The following UBR3 variants were observed in gnomAD, a reference collection of about 807,000 sequenced individuals.
UBR3 encodes the protein ubiquitin protein ligase E3 component n-recognin 3.
In UBR3, 85 loss-of-function variants were observed where a neutral mutation model predicts 243.2. That is an observed-to-expected ratio of 0.35 (90% CI 0.29 to 0.42). The LOEUF (loss-of-function observed/expected upper bound fraction) is 0.42, where lower values mean the gene tolerates loss of function less well. UBR3 is among the 10% of genes least tolerant of loss of function. The pLI, the probability that UBR3 is intolerant of heterozygous loss-of-function variation, is 1.00. For missense variants in UBR3, 1,686 were observed against 2,300.8 expected, an observed-to-expected ratio of 0.73 and a Z score of 5.47; for synonymous variants, 748 against 799.8, an observed-to-expected ratio of 0.94 and a Z score of 1.09.
At chr2:169,927,257 A>C (rs2085944339) in intron 16 of UBR3, 63 bp from the exon 17 acceptor site, 10 of 1,400,160 alleles carry the variant, frequency 7.1e-6, no homozygotes, top group Admixed American at 2.3e-5. Flanking sequence ...AAAGTGTGGT[A>C]AGTTTTTTTC....
intron 33 of UBR3, 113 bp from the exon 34 acceptor site, chr2:170,060,966 A>G (rs1189990158): frequency 1.1e-5 from 8 of 712,596 alleles, no homozygotes; most frequent in Non-Finnish European, 1.7e-5. Context: ...TGAAGCTCAT[A>G]TGCTTGAAAA....
At chr2:170,023,615 C>T (rs752136941) in intron 30 of UBR3, among the ~76,000 whole-genome samples, 27 of 151,616 alleles carry the variant, frequency 1.8e-4, no homozygotes, top group African/African-American at 4.4e-4. Flanking sequence ...TTTTTTGAGA[C>T]GGAGTCTTGC....
chr2:169,900,447 G>C (rs1383362966), intron 8 of UBR3, among the ~76,000 whole-genome samples: 1 of 152,178 alleles, frequency 6.6e-6, no homozygotes, highest in African/African-American at 2.4e-5. Flanking sequence ...TAGGTTGCCT[G>C]TTCACTCTGG....
In UBR3 at chr2:169,891,206, G is replaced by A; in HGVS notation, c.1080G>A (p.Arg360=). 1.3e-6 allele frequency: 2 copies of A among 1,549,758 alleles called. No homozygotes were observed. The highest frequency in any genetic ancestry group is 1.7e-4 in the Middle Eastern group (1 of 5,974). The change falls in exon 6 of 39, where the codon AGG becomes AGA. Residue 360 remains arginine (R), a synonymous_variant. Coordinates refer to ENST00000272793, the MANE Select transcript of UBR3 (RefSeq NM_172070.4). ...DGSQGLGKRK[R]VKLSSGTKDQ... ...GTCAAGGTCTGGGCAAGAGAAAAAG[G>A]GTAAAACTAAGCAGTGGCACCAAAG...
chr2:170,063,630 G>A (rs1429526074), intron 35 of UBR3, among the ~76,000 whole-genome samples: 1 of 152,110 alleles, frequency 6.6e-6, no homozygotes, highest in Admixed American at 6.5e-5. Context: ...GAAATCTCAT[G>A]CTGTCTTGTT....
chr2:169,953,222 G>A (rs1574275021), intron 23 of UBR3, among the ~76,000 whole-genome samples: 1 of 152,228 alleles, frequency 6.6e-6, no homozygotes, highest in East Asian at 1.9e-4. Context: ...TATTGACAAG[G>A]ACTTGAAACT....
chr2:169,932,011 C>G (rs2086151351), intron 18 of UBR3, among the ~76,000 whole-genome samples: 1 of 151,644 alleles, frequency 6.6e-6, no homozygotes, highest in African/African-American at 2.4e-5. Context: ...AGCAAAGGAG[C>G]AGAAAATCTT....
Position 170,081,890 on chromosome 2 carries a change from T to C in UBR3, c.*47T>C. ...CGTATCATCATTTTCGCTACGAATTTATTTTTCAACAATAAGCTTTAACTT... is the reference window on the plus strand; with the variant it reads ...CGTATCATCATTTTCGCTACGAATTCATTTTTCAACAATAAGCTTTAACTT... On this transcript the variant is annotated 3_prime_UTR_variant, in exon 39 of 39. Transcript: ENST00000272793. 7.6e-7 allele frequency: 1 copy of C among 1,313,996 alleles called. No homozygotes were observed. Among genetic ancestry groups the C allele is most frequent in the South Asian group, 1.6e-5 (1 of 61,890 alleles). 81.4% of individuals were successfully genotyped at this position (1,313,996 alleles called of 1,614,324 possible).
chr2:169,844,163 C>T (rs954315832), intron 1 of UBR3, among the ~76,000 whole-genome samples: 2 of 151,914 alleles, frequency 1.3e-5, no homozygotes, highest in African/African-American at 2.4e-5. Flanking sequence ...CCTGCCACCA[C>T]GCCTGGCTAA....
At chr2:170,030,447 G>A (rs1190764071) in intron 31 of UBR3, among the ~76,000 whole-genome samples, 1 of 152,058 alleles carries the variant, frequency 6.6e-6, no homozygotes, top group African/African-American at 2.4e-5. Context: ...AAAAGATCCT[G>A]TGTTCTTACT....
chr2:169,879,889 C>G (rs1201341002), intron 5 of UBR3, among the ~76,000 whole-genome samples: 1 of 152,092 alleles, frequency 6.6e-6, no homozygotes, highest in Non-Finnish European at 1.5e-5. Flanking sequence ...TTAAAATAGA[C>G]TTTCAAAAAC....
chr2:169,922,191 A>G lies in UBR3; in HGVS notation c.1867-1738A>G, dbSNP rs1319316664. On this transcript the variant is annotated intron_variant, in intron 11 of 38. Transcript: ENST00000272793. ...GTCCCAGCTGCTCAGGGGGCCGAGG[A>G]GGGAGGATGACTTGAGCCCGGGAGG... 7.4e-5 allele frequency among the ~76,000 whole-genome samples: 11 copies of G among 149,328 alleles called. No individual in the cohort carries two copies. The Admixed American group carries it at 7.4e-4, about 10-fold the overall frequency.
Position 169,849,536 on chromosome 2 carries a change from C to T in UBR3, c.545+21484C>T, listed in dbSNP as rs1236040906. Among the ~76,000 whole-genome samples the T allele has an allele frequency of 4.6e-5, 7 of 152,176 alleles. 1 individual carries two copies. On this transcript the variant is annotated intron_variant, in intron 1 of 38. Transcript: ENST00000272793. The stretch of plus-strand genomic sequence containing the variant: ...TCTTGAACTCTTGACCTCAAGTGAT[C>T]CACCCACCTTGACCTCCCAAAGTGT...
chr2:170,079,913 A>AGTG lies in UBR3; in HGVS notation c.5300_5302dup (p.Ser1767_Val1768insGly). ...TCAGTACTACCACAGAAAAACCTGT[A>AGTG]GTGTCTGCACCAAGGTTCCTAAAGA... On this transcript the variant is annotated inframe_insertion, in exon 37 of 39. Transcript: ENST00000272793. 6.2e-7 allele frequency: 1 copy of AGTG among 1,614,058 alleles called. No homozygotes were observed. Among genetic ancestry groups the AGTG allele is most frequent in the Non-Finnish European group, 8.5e-7 (1 of 1,179,948 alleles).
intron 18 of UBR3, 57 bp from the exon 19 acceptor site, chr2:169,932,855 A>T: frequency 2.2e-6 from 3 of 1,349,972 alleles, no homozygotes; most frequent in Non-Finnish European, 3.1e-6. Context: ...TAATAAGTCA[A>T]TAAATATTGA....
In UBR3 at chr2:169,940,565, T is replaced by A. The variant is rs368509959; in HGVS notation, c.2664-1928T>A. ...TTCTAAGCGCTGTTAAAATTATGTG[T>A]ATTCACTACTTGTTGCATGTTGCCT... On this transcript the variant is annotated intron_variant, in intron 19 of 38. Transcript: ENST00000272793. Among the ~76,000 whole-genome samples the A allele has an allele frequency of 2.3e-4, 35 of 152,362 alleles. No individual in the cohort carries two copies. In the South Asian group the frequency reaches 7.2e-3, roughly 32 times the overall value.
intron 19 of UBR3, among the ~76,000 whole-genome samples, chr2:169,935,204 C>T (rs2086279496): frequency 6.6e-6 from 1 of 152,156 alleles, no homozygotes; most frequent in Non-Finnish European, 1.5e-5. Context: ...CTCACTTTGT[C>T]ACCCAGGCTG....
At chr2:169,873,952 G>T (rs139800858) in intron 2 of UBR3, among the ~76,000 whole-genome samples, 1,718 of 152,198 alleles carry the variant, frequency 0.011, 48 homozygotes, top group African/African-American at 0.039. Context: ...TACTTCACAT[G>T]AAAGTGTCTT....
intron 23 of UBR3, 91 bp downstream of exon 23, chr2:169,950,156 G>A (rs2086956409): frequency 1.5e-5 from 18 of 1,189,380 alleles, no homozygotes; most frequent in Non-Finnish European, 1.6e-5. Context: ...TCACCTGGAT[G>A]TTTAACAGGA....
Sources: allele counts gnomAD v4.1 joint callset (sites outside exome capture counted in the v4.1 genomes callset), GRCh38; gene constraint gnomAD v4.1.1; transcripts MANE v1.5; gene names NCBI Gene and HGNC (gene_info 2026-07-23, HGNC 2026-07-21).